Variants in NES observed in about 807,000 individuals in gnomAD.
NES encodes the protein nestin.
Under a neutral mutation model 35.6 loss-of-function variants are expected in NES, and 27 were observed. That is an observed-to-expected ratio of 0.76 (90% CI 0.56 to 1.04). The LOEUF (loss-of-function observed/expected upper bound fraction) is 1.04, where lower values mean the gene tolerates loss of function less well. Among genes scored for constraint, NES ranks in the 50% least tolerant of loss-of-function variants. NES has a pLI of 0.00. For missense variants in NES, 1,867 were observed against 1,983.6 expected, an observed-to-expected ratio of 0.94 and a Z score of 1.12; for synonymous variants, 822 against 824.2, an observed-to-expected ratio of 1.00 and a Z score of 0.04.
Position 156,669,135 on chromosome 1 carries a change from C to A in NES, c.*187G>T. The A allele has an allele frequency of 2.1e-6, 1 of 478,194 alleles. No homozygotes were observed. The highest frequency in any genetic ancestry group is 3.1e-5 in the East Asian group (1 of 32,512). 29.6% of individuals were successfully genotyped at this position (478,194 alleles called of 1,614,324 possible). ...GGGTGGGAGGTTATATTCCTACAGC[C>A]TCCATTCTTGGAGTAGGCTCCTTTG... is the stretch of plus-strand genomic sequence containing the variant. On this transcript the variant is annotated 3_prime_UTR_variant, in exon 4 of 4. Coordinates refer to ENST00000368223, the MANE Select transcript of NES (RefSeq NM_006617.2).
In NES at chr1:156,676,501, C is replaced by G; in HGVS notation, c.764G>C (p.Arg255Pro). 5 of 1,597,112 alleles carry G rather than the reference C, an allele frequency of 3.1e-6. No homozygotes were observed. The highest frequency in any genetic ancestry group is 4.2e-6 in the Non-Finnish European group (5 of 1,179,180). ...CCTCACCTGGAACTTTTCAGTAGCCCGCAGCCGCTCCTGCCAGCGGCCCTC... is the reference window on the plus strand; with the variant it reads ...CCTCACCTGGAACTTTTCAGTAGCCGGCAGCCGCTCCTGCCAGCGGCCCTC... ...RLEGRWQERL[R>P]ATEKFQLAVE... Residue 255 changes from arginine to proline, a missense_variant, in exon 1 of 4, where the codon CGG becomes CCG. By Grantham distance (103) the Arg-to-Pro change is moderately radical. Coordinates refer to ENST00000368223, the MANE Select transcript of NES (RefSeq NM_006617.2). The surrounding 1 kb of genome is among the most constrained non-coding windows in gnomAD (Gnocchi z 5.3).
chr1:156,675,102 C>A (rs1647229402), intron 2 of NES, 114 bp downstream of exon 2: 1 of 1,344,218 alleles, frequency 7.4e-7, no homozygotes, highest in South Asian at 1.4e-5. Context: ...GTCACAGAAC[C>A]CAGTGGCAGC....
Position 156,671,325 on chromosome 1 carries a change from C to T in NES, c.2863G>A (p.Val955Met). ...TGAGCCAGTTCTTGGTCCTTCTCCA[C>T]CGTATCTTCCCACCTCTGCACATCT... ...SADVQRWEDTVEKDQELAQES... is the reference protein window; with the variant it reads ...SADVQRWEDTMEKDQELAQES... The change falls in exon 4 of 4, where the codon GTG becomes ATG. Residue 955 changes from valine to methionine, a missense_variant. Val to Met is a conservative substitution (Grantham distance 21). Transcript: ENST00000368223. 1 of 1,614,154 alleles carries T rather than the reference C, an allele frequency of 6.2e-7. No homozygotes were observed. Among genetic ancestry groups the T allele is most frequent in the Non-Finnish European group, 8.5e-7 (1 of 1,180,046 alleles).
chr1:156,675,119 G>T, intron 2 of NES, 97 bp downstream of exon 2: 7 of 1,451,926 alleles, frequency 4.8e-6, no homozygotes, highest in Non-Finnish European at 6.6e-6. Context: ...CAGCAGAGTT[G>T]CCATCACCTA....
chr1:156,671,971 C>T lies in NES; in HGVS notation c.2217G>A (p.Glu739=). Residue 739 remains glutamate, a synonymous_variant, in exon 4 of 4, where the codon GAG becomes GAA. Transcript: ENST00000368223. ...DQSIVRPLET[E]NHKSLRSLEE... ...CTAAAGACCTCAGTGATTTGTGATT[C>T]TCTGTTTCTAGAGGTCTCACAATAC... 6.2e-7 allele frequency: 1 copy of T among 1,614,100 alleles called. No individual in the cohort carries two copies. Among genetic ancestry groups the T allele is most frequent in the Non-Finnish European group, 8.5e-7 (1 of 1,180,010 alleles).
In NES at chr1:156,676,922, C is replaced by T. The variant is rs1381256256; in HGVS notation, c.343G>A (p.Ala115Thr). 2 of 1,552,466 alleles carry T rather than the reference C, an allele frequency of 1.3e-6. No homozygotes were observed. The highest frequency in any genetic ancestry group is 2.3e-5 in the South Asian group (2 of 85,564). Residue 115 changes from alanine (A) to threonine (T), a missense_variant, in exon 1 of 4, where the codon GCC (alanine) becomes ACC (threonine). By Grantham distance (58) the Ala-to-Thr change is moderately conservative (BLOSUM62 0). Transcript: ENST00000368223. This position sits in a 1 kb window ranked among gnomAD's most constrained non-coding sequence, Gnocchi z 5.3. The part of the protein sequence containing the change: ...TTEEVARNRR[A>T]VEAEKCARAW... ...CGGGCGCATTTCTCTGCCTCGACGG[C>T]GCGCCGGTTGCGGGCTACCTCCTCC...
intron 2 of NES, 83 bp from the exon 3 acceptor site, chr1:156,673,610 G>A: frequency 1.0e-6 from 1 of 991,496 alleles, no homozygotes; most frequent in South Asian, 1.5e-5. Flanking sequence ...AACTCAGGCT[G>A]AGCTTGCACC....
rs1175928698 is a variant in NES at position 156,677,026 on chromosome 1, G to A, written c.239C>T (p.Ala80Val). Residue 80 changes from alanine (A) to valine (V), a missense_variant, in exon 1 of 4, where the codon GCG (alanine) becomes GTG (valine). Physicochemically the swap from Ala to Val is moderately conservative, Grantham distance 64. Transcript: ENST00000368223. The surrounding 1 kb of genome is among the most constrained non-coding windows in gnomAD (Gnocchi z 4.5). ...RWREKHAAEVARDNLAEELEG... is the reference protein window; with the variant it reads ...RWREKHAAEVVRDNLAEELEG... ...CAGCTCTTCAGCCAGGTTGTCGCGCGCCACCTCGGCCGCGTGCTTCTCCCG... is the reference window on the plus strand; with the variant it reads ...CAGCTCTTCAGCCAGGTTGTCGCGCACCACCTCGGCCGCGTGCTTCTCCCG... The A allele has an allele frequency of 6.3e-7, 1 of 1,581,496 alleles. No homozygotes were observed. Among genetic ancestry groups the A allele is most frequent in the Non-Finnish European group, 8.6e-7 (1 of 1,167,678 alleles).
chr1:156,675,424 CG>C, intron 1 of NES, 84 bp from the exon 2 acceptor site: 1 of 1,458,750 alleles, frequency 6.9e-7, no homozygotes, highest in Non-Finnish European at 9.2e-7. Context: ...TGCCGCTGCC[CG>C]GGAAGCACCT....
chr1:156,677,090 C>A lies in NES; in HGVS notation c.175G>T (p.Glu59Ter). 6.2e-7 allele frequency: 1 copy of A among 1,602,962 alleles called. No homozygotes were observed. The highest frequency in any genetic ancestry group is 1.7e-5 in the Admixed American group (1 of 59,118). Residue 59 changes from glutamate to a stop codon, truncating the protein, a stop_gained, in exon 1 of 4, where the codon GAG becomes TAG. Coordinates refer to ENST00000368223, the MANE Select transcript of NES (RefSeq NM_006617.2). LOFTEE classifies it high-confidence loss of function. The surrounding 1 kb of genome is among the most constrained non-coding windows in gnomAD (Gnocchi z 4.5). ...DTSWRAHADD[E>*]LAALRALVDQ... ...ACGAGGGCCCGCAGGGCCGCCAGCT[C>A]GTCGTCGGCATGCGCCCGCCAGGAG...
chr1:156,670,520 G>C lies in NES; in HGVS notation c.3668C>G (p.Pro1223Arg). The C allele has an allele frequency of 6.2e-7, 1 of 1,602,912 alleles. No individual in the cohort carries two copies. Among genetic ancestry groups the C allele is most frequent in the Non-Finnish European group, 8.5e-7 (1 of 1,172,610 alleles). Residue 1223 changes from proline (P) to arginine (R), a missense_variant, in exon 4 of 4, where the codon CCA (proline) becomes CGA (arginine). Coordinates refer to ENST00000368223, the MANE Select transcript of NES (RefSeq NM_006617.2). ...ATCTTCCAGGATCGGGGTGTACGTT[G>C]GGCTGGGGGAGACCAGCACTGGTGG... ...DVPPVLVSPSPTYTPILEDAP... is the reference protein window; with the variant it reads ...DVPPVLVSPSRTYTPILEDAP...
rs770534305 is a variant in NES, at chr1:156,670,166, C to T, written c.4022G>A (p.Gly1341Asp). ...CTTTTCTGAGGGTGGGGCCTCAAGG[C>T]CCTCGGAAGCCAGGACAGCAGGATC... ...GWDPAVLASE[G>D]LEAPPSEKEE... Residue 1341 changes from glycine (G) to aspartate (D), a missense_variant, in exon 4 of 4, where the codon GGC (glycine) becomes GAC (aspartate). By Grantham distance (94) the Gly-to-Asp change is moderately conservative. Coordinates refer to ENST00000368223, the MANE Select transcript of NES (RefSeq NM_006617.2). 6 of 1,614,016 alleles carry T rather than the reference C, an allele frequency of 3.7e-6. No individual in the cohort carries two copies. The South Asian group carries it at 6.6e-5, about 18-fold the overall frequency.
In NES at chr1:156,672,409, A is replaced by G. The variant is rs879829458; in HGVS notation, c.1779T>C (p.Asn593=). ...LETLKSLEKE[N]KELLKDVEVV... ...CCTCCACATCCTTTAATAGCTCTTT[A>G]TTTTCCTTTTCTAGACTTTTTAGTG... is the stretch of plus-strand genomic sequence containing the variant. The change falls in exon 4 of 4, where the codon AAT becomes AAC. Residue 593 remains asparagine (N), a synonymous_variant. Transcript: ENST00000368223. 1.2e-6 allele frequency: 2 copies of G among 1,611,918 alleles called. No homozygotes were observed. Among genetic ancestry groups the G allele is most frequent in the South Asian group, 1.1e-5 (1 of 90,860 alleles).
rs768345534 is a variant in NES at position 156,669,554 on chromosome 1, T to C, written c.4634A>G (p.Lys1545Arg). ...VNGQGPNLEGKSQHVNGGVMN... is the reference protein window; with the variant it reads ...VNGQGPNLEGRSQHVNGGVMN... Reference sequence around the variant, plus strand: ...CACTCCCCCATTCACATGCTGTGACTTCCCCTCCAAGTTGGGACCCTGGCC... The same window carrying C: ...CACTCCCCCATTCACATGCTGTGACCTCCCCTCCAAGTTGGGACCCTGGCC... The change falls in exon 4 of 4, where the codon AAG becomes AGG. Residue 1545 changes from lysine to arginine, a missense_variant. By Grantham distance (26) the Lys-to-Arg change is conservative (BLOSUM62 2). Transcript: ENST00000368223. The C allele has an allele frequency of 1.7e-5, 27 of 1,613,392 alleles. No individual in the cohort carries two copies. Among genetic ancestry groups the C allele is most frequent in the Non-Finnish European group, 1.0e-5 (12 of 1,179,596 alleles).
chr1:156,676,913 C>T lies in NES; in HGVS notation c.352G>A (p.Ala118Thr). The change falls in exon 1 of 4, where the codon GCA becomes ACA. Residue 118 changes from alanine to threonine, a missense_variant. Ala to Thr is a moderately conservative substitution (Grantham distance 58). Transcript: ENST00000368223. This position sits in a 1 kb window ranked among gnomAD's most constrained non-coding sequence, Gnocchi z 5.3. ...EVARNRRAVE[A>T]EKCARAWLSS... ...AGCCAGGCCCGGGCGCATTTCTCTG[C>T]CTCGACGGCGCGCCGGTTGCGGGCT... 6.4e-7 allele frequency: 1 copy of T among 1,554,800 alleles called. No homozygotes were observed.
Position 156,676,876 on chromosome 1 carries a change from A to T in NES, c.389T>A (p.Val130Glu), listed in dbSNP as rs4278369. The change falls in exon 1 of 4, where the codon GTG (valine) becomes GAG (glutamate). Residue 130 changes from valine (V) to glutamate (E), a missense_variant. Physicochemically the swap from Val to Glu is moderately radical, Grantham distance 121. Coordinates refer to ENST00000368223, the MANE Select transcript of NES (RefSeq NM_006617.2). The surrounding 1 kb of genome is among the most constrained non-coding windows in gnomAD (Gnocchi z 5.3). ...CTCTAGCTCGCGCTCCAGCTCTGCC[A>T]CCTGGCTACTCAGCCAGGCCCGGGC... ...KCARAWLSSQVAELERELEAL... is the reference protein window; with the variant it reads ...KCARAWLSSQEAELERELEAL... 6.5e-7 allele frequency: 1 copy of T among 1,532,168 alleles called. No individual in the cohort carries two copies. The highest frequency in any genetic ancestry group is 8.7e-7 in the Non-Finnish European group (1 of 1,151,788). 94.9% of individuals were successfully genotyped at this position (1,532,168 alleles called of 1,614,324 possible).
chr1:156,671,752 T>A lies in NES; in HGVS notation c.2436A>T (p.Glu812Asp), dbSNP rs1219869050. 6.2e-7 allele frequency: 1 copy of A among 1,614,118 alleles called. No individual in the cohort carries two copies. The highest frequency in any genetic ancestry group is 1.7e-5 in the Admixed American group (1 of 60,022). Residue 812 changes from glutamate to aspartate, a missense_variant, in exon 4 of 4, where the codon GAA (glutamate) becomes GAT (aspartate). By Grantham distance (45) the Glu-to-Asp change is conservative. Coordinates refer to ENST00000368223, the MANE Select transcript of NES (RefSeq NM_006617.2). ...AAGATTTTACTGCCTCTACGCTCTCTTCTTTGAGTGACTTTAAGAACTCTT... is the reference window on the plus strand; with the variant it reads ...AAGATTTTACTGCCTCTACGCTCTCATCTTTGAGTGACTTTAAGAACTCTT... ...ENQEFLKSLKEESVEAVKSLE... is the reference protein window; with the variant it reads ...ENQEFLKSLKDESVEAVKSLE...
rs768171712 is a variant in NES, at chr1:156,672,242, G to A, written c.1946C>T (p.Pro649Leu). The change falls in exon 4 of 4, where the codon CCA becomes CTA. Residue 649 changes from proline to leucine, a missense_variant. Coordinates refer to ENST00000368223, the MANE Select transcript of NES (RefSeq NM_006617.2). The part of the protein sequence containing the change: ...LEGNLETFLF[P>L]GTENQELVSS... ...TACTAATTCTTGATTTTCCGTTCCTGGAAATAAAAATGTCTCTAGATTACC... is the reference window on the plus strand; with the variant it reads ...TACTAATTCTTGATTTTCCGTTCCTAGAAATAAAAATGTCTCTAGATTACC... 6.3e-7 allele frequency: 1 copy of A among 1,596,924 alleles called. No individual in the cohort carries two copies. The highest frequency in any genetic ancestry group is 1.1e-5 in the South Asian group (1 of 88,228).
At position 156,677,291 on chromosome 1, in the gene NES, G is replaced by A. The variant is rs781782580; in HGVS notation, c.-27C>T. The A allele has an allele frequency of 2.6e-6, 4 of 1,546,018 alleles. No homozygotes were observed. The highest frequency in any genetic ancestry group is 3.5e-6 in the Non-Finnish European group (4 of 1,144,894). On this transcript the variant is annotated 5_prime_UTR_variant, in exon 1 of 4. Coordinates refer to ENST00000368223, the MANE Select transcript of NES (RefSeq NM_006617.2). This position sits in a 1 kb window ranked among gnomAD's most constrained non-coding sequence, Gnocchi z 4.5. ...CTGCTCGTCTGACCCACTGAGGATG[G>A]ACAGACGCGGGGCACCGGGAGAAGG...
Sources: gnomAD v4.1 joint callset for allele counts on GRCh38, gnomAD v4.1.1 for gene constraint, Gnocchi (gnomAD v3.1) non-coding constraint, MANE v1.5 for transcripts, NCBI Gene and HGNC (gene_info 2026-07-23, HGNC 2026-07-21) for gene names.